The following NFU1 variants were observed in gnomAD, a reference collection of about 807,000 sequenced individuals.
NFU1 encodes NFU1 iron-sulfur cluster scaffold homolog, mitochondrial.
Under a neutral mutation model 32.2 loss-of-function variants are expected in NFU1, and 30 were observed. The observed-to-expected ratio is 0.93, with a 90% CI of 0.70 to 1.26. The LOEUF (loss-of-function observed/expected upper bound fraction) is 1.26. NFU1 is among the 50% of genes most tolerant of loss of function. NFU1 has a pLI of 0.00. For missense variants in NFU1, 306 were observed against 306.6 expected (o/e 1.00, Z 0.02); for synonymous variants, 112 against 104.6 (o/e 1.07, Z -0.43).
At chr2:69,421,409 G>A (rs570380648) in intron 3 of NFU1, among the ~76,000 whole-genome samples, 2 of 151,972 alleles carry the variant, frequency 1.3e-5, no homozygotes, top group Admixed American at 1.3e-4. Context: ...AGTTACCTGA[G>A]CTCTGTTTTC....
chr2:69,419,413 C>A, intron 4 of NFU1, 125 bp downstream of exon 4: 1 of 648,524 alleles, frequency 1.5e-6, no homozygotes, highest in Non-Finnish European at 2.8e-6. Flanking sequence ...GAGTAAGACC[C>A]TGTCTCAAAA....
chr2:69,435,618 T>G (rs1000781563), intron 1 of NFU1, among the ~76,000 whole-genome samples: 6 of 152,192 alleles, frequency 3.9e-5, no homozygotes, highest in African/African-American at 7.2e-5. Flanking sequence ...ATTGGAGAGA[T>G]AAAAGGATTG....
chr2:69,418,631 T>TA lies in NFU1; in HGVS notation c.369+906dup, dbSNP rs1325106437. Among the ~76,000 whole-genome samples, 7 of 151,810 alleles carry TA rather than the reference T, an allele frequency of 4.6e-5. No individual in the cohort carries two copies. In the East Asian group the frequency reaches 5.9e-4, roughly 13 times the overall value. On this transcript the variant is annotated intron_variant, in intron 4 of 7. Transcript: ENST00000410022. Reference sequence around the variant, plus strand: ...ACAGGCGCCCGCCACCATGCCCGGCTACTTTTTTTTTGTATTTTTAGTAGA... The same window carrying TA: ...ACAGGCGCCCGCCACCATGCCCGGCTAACTTTTTTTTTGTATTTTTAGTAGA...
intron 4 of NFU1, 129 bp downstream of exon 4, chr2:69,419,409 G>C (rs114945138): frequency 2.9e-5 from 19 of 644,642 alleles, no homozygotes; most frequent in Admixed American, 1.7e-4. Flanking sequence ...AAGAGAGTAA[G>C]ACCCTGTCTC....
At chr2:69,408,065 A>G (rs1403001388) in intron 5 of NFU1, among the ~76,000 whole-genome samples, 1 of 152,022 alleles carries the variant, frequency 6.6e-6, no homozygotes, top group Non-Finnish European at 1.5e-5. Context: ...TTGGGGGAAA[A>G]GAAGCACAAA....
chr2:69,429,411 A>AT (rs1368494015), intron 2 of NFU1, among the ~76,000 whole-genome samples: 2 of 152,098 alleles, frequency 1.3e-5, no homozygotes, highest in Non-Finnish European at 2.9e-5. Flanking sequence ...AAATACAAAA[A>AT]TTGGTCAGCT....
At chr2:69,417,258 C>A (rs971396088) in intron 4 of NFU1, among the ~76,000 whole-genome samples, 1 of 151,830 alleles carries the variant, frequency 6.6e-6, no homozygotes, top group Non-Finnish European at 1.5e-5. Context: ...TAGAAACAGG[C>A]GATTGCTGAA....
At chr2:69,437,764 G>A, upstream of NFU1, 1 of 445,544 alleles carries the variant, frequency 2.2e-6, no homozygotes, top group African/African-American at 2.0e-5. Context: ...CCCTAAACCT[G>A]ACCCATTCCC....
At chr2:69,435,609 T>C (rs147658557) in intron 1 of NFU1, among the ~76,000 whole-genome samples, 45 of 152,288 alleles carry the variant, frequency 3.0e-4, no homozygotes, top group African/African-American at 9.4e-4. Flanking sequence ...TTAGATGCTA[T>C]TGGAGAGATA....
In NFU1 at chr2:69,407,788, G is replaced by A. The variant is rs144294931; in HGVS notation, c.485-1706C>T. ...AGCACTTTGGGAGGCTGAGGCAGAC[G>A]CGTCACCTGAGGTCAGGAGTTTGAG... On this transcript the variant is annotated intron_variant, in intron 5 of 7. Coordinates refer to ENST00000410022, the MANE Select transcript of NFU1 (RefSeq NM_001002755.4). 3.5e-3 allele frequency among the ~76,000 whole-genome samples: 526 copies of A among 150,760 alleles called. 2 individuals carry two copies. The highest frequency in any genetic ancestry group is 0.012 in the African/African-American group (502 of 41,100).
At chr2:69,401,452 T>C (rs1485618000) in intron 6 of NFU1, among the ~76,000 whole-genome samples, 1 of 152,250 alleles carries the variant, frequency 6.6e-6, no homozygotes, top group Non-Finnish European at 1.5e-5. Flanking sequence ...TCATTTACTC[T>C]CACTGCTGCA....
intron 1 of NFU1, 153 bp downstream of exon 1, chr2:69,437,208 A>G (rs1449209400): frequency 4.8e-6 from 7 of 1,450,294 alleles, no homozygotes; most frequent in Non-Finnish European, 5.4e-6. Context: ...AGACAGCCTC[A>G]GGGCTCACCC....
intron 2 of NFU1, among the ~76,000 whole-genome samples, chr2:69,425,182 G>C (rs113984212): frequency 6.6e-6 from 1 of 151,424 alleles, no homozygotes; most frequent in African/African-American, 2.4e-5. Flanking sequence ...CCAGCCAAAG[G>C]CTTTTTTTAA....
chr2:69,433,760 C>A (rs780256816), intron 1 of NFU1, among the ~76,000 whole-genome samples: 1 of 152,032 alleles, frequency 6.6e-6, no homozygotes, highest in African/African-American at 2.4e-5. Flanking sequence ...ACACAGCCAA[C>A]GATCTTGATC....
chr2:69,407,368 T>A (rs968116885), intron 5 of NFU1, among the ~76,000 whole-genome samples: 1 of 152,108 alleles, frequency 6.6e-6, no homozygotes, highest in Non-Finnish European at 1.5e-5. Flanking sequence ...AAAATTAAAT[T>A]ATATTAACAT....
At chr2:69,432,077 T>C in intron 1 of NFU1, 72 bp from the exon 2 acceptor site, 7 of 1,001,466 alleles carry the variant, frequency 7.0e-6, no homozygotes, top group Non-Finnish European at 1.1e-5. Flanking sequence ...CTACTTCTCA[T>C]GTATAAAAAA....
At chr2:69,414,901 C>T (rs1285329783) in intron 5 of NFU1, among the ~76,000 whole-genome samples, 1 of 151,892 alleles carries the variant, frequency 6.6e-6, no homozygotes, top group Non-Finnish European at 1.5e-5. Context: ...TCCCAAAAGC[C>T]CATTCTGTAA....
At chr2:69,422,054 A>G (rs1178044029) in intron 3 of NFU1, among the ~76,000 whole-genome samples, 2 of 152,162 alleles carry the variant, frequency 1.3e-5, no homozygotes, top group Non-Finnish European at 2.9e-5. Context: ...ACAACTGATA[A>G]TAAAATAGAA....
At position 69,396,145 on chromosome 2, in the gene NFU1, T is replaced by C. The variant is rs758892184; in HGVS notation, c.*101A>G. On this transcript the variant is annotated 3_prime_UTR_variant, in exon 8 of 8. Transcript: ENST00000410022. ...TTTATATATCATTCTCTGAAGAGCA[T>C]ATTTTATTAATCTTCAAGTTCCTCA... The C allele has an allele frequency of 5.4e-6, 5 of 930,890 alleles. No homozygotes were observed. Among genetic ancestry groups the C allele is most frequent in the Admixed American group, 2.0e-5 (1 of 51,012 alleles). The allele number at this position is 930,890 out of a possible 1,614,324, so 57.7% of individuals were successfully genotyped here.
Sources: gnomAD v4.1 joint callset for allele counts (sites outside exome capture counted in the v4.1 genomes callset) on GRCh38, gnomAD v4.1.1 for gene constraint, MANE v1.5 for transcripts, NCBI Gene and HGNC (gene_info 2026-07-23, HGNC 2026-07-21) for gene names.